CFAP299: variants seen among roughly 807,000 people sequenced by gnomAD.
The protein encoded by CFAP299 is cilia- and flagella-associated protein 299.
Under a neutral mutation model 27.0 loss-of-function variants are expected in CFAP299, and 21 were observed. That is an observed-to-expected ratio of 0.78 (90% CI 0.55 to 1.12). The LOEUF is 1.12. Ranked by LOEUF, CFAP299 falls within the 50% of genes most tolerant of loss-of-function variation. The pLI, the probability that CFAP299 is intolerant of heterozygous loss-of-function variation, is 0.00. For synonymous variants in CFAP299, 104 were observed against 98.1 expected (o/e 1.06, Z -0.36); for missense variants, 310 against 276.6 (o/e 1.12, Z -0.86).
At chr4:80,402,796 C>T (rs1372297922) in intron 2 of CFAP299, among the ~76,000 whole-genome samples, 1 of 152,142 alleles carries the variant, frequency 6.6e-6, no homozygotes, top group Non-Finnish European at 1.5e-5. Context: ...CAGATTGTAG[C>T]CTCTTGCTTA....
chr4:80,950,257 C>T (rs566612780), intron 5 of CFAP299, among the ~76,000 whole-genome samples: 2 of 151,596 alleles, frequency 1.3e-5, no homozygotes, highest in East Asian at 3.9e-4. Flanking sequence ...CCCTCCACCC[C>T]CCCCCTTTCT....
At chr4:80,499,496 T>C (rs1035460965) in intron 2 of CFAP299, among the ~76,000 whole-genome samples, 8 of 152,190 alleles carry the variant, frequency 5.3e-5, no homozygotes, top group Non-Finnish European at 7.4e-5. Context: ...TCAACATTAC[T>C]GTACATATTA....
At chr4:80,929,523 G>A (rs137919942) in intron 4 of CFAP299, among the ~76,000 whole-genome samples, 4 of 152,276 alleles carry the variant, frequency 2.6e-5, no homozygotes, top group African/African-American at 9.6e-5. Context: ...AGGGTCATCT[G>A]CAACACTGCT....
At chr4:80,615,802 G>C (rs893462142) in intron 3 of CFAP299, among the ~76,000 whole-genome samples, 3 of 152,136 alleles carry the variant, frequency 2.0e-5, no homozygotes, top group Non-Finnish European at 4.4e-5. Context: ...ACCTCTGCAA[G>C]CCCTTTCAGA....
At chr4:80,920,025 A>G (rs879673547) in intron 4 of CFAP299, among the ~76,000 whole-genome samples, 2 of 152,118 alleles carry the variant, frequency 1.3e-5, no homozygotes, top group Non-Finnish European at 2.9e-5. Flanking sequence ...AACCTCCTCT[A>G]TGCAAAGTAC....
At chr4:80,720,797 A>G (rs1722766813) in intron 3 of CFAP299, among the ~76,000 whole-genome samples, 1 of 152,194 alleles carries the variant, frequency 6.6e-6, no homozygotes, top group East Asian at 1.9e-4. Flanking sequence ...AAGTGAAACC[A>G]ACAGAAAATT....
chr4:80,630,922 A>G (rs1041228082), intron 3 of CFAP299, among the ~76,000 whole-genome samples: 1 of 152,092 alleles, frequency 6.6e-6, no homozygotes. Context: ...TTAAATGAAA[A>G]TAGACCCTCA....
chr4:80,505,712 G>T (rs938758957), intron 2 of CFAP299, among the ~76,000 whole-genome samples: 2 of 152,086 alleles, frequency 1.3e-5, no homozygotes, highest in African/African-American at 4.8e-5. Context: ...TTATGCAAAG[G>T]GTTGATGTAT....
At chr4:80,341,949 C>T (rs888457441) in intron 1 of CFAP299, among the ~76,000 whole-genome samples, 3 of 152,106 alleles carry the variant, frequency 2.0e-5, no homozygotes, top group East Asian at 3.9e-4. Flanking sequence ...GAGCTGATAG[C>T]AAGAATAGCT....
rs538096746 is a variant in CFAP299, at chr4:80,629,903, C to A, written c.333+46720C>A. ...AAAAAAACAAAAAAAACAAAAAAAA[C>A]CCAGAAAAATTTATTTAAAAATTGT... On this transcript the variant is annotated intron_variant, in intron 3 of 5. Coordinates refer to ENST00000358105, the MANE Select transcript of CFAP299 (RefSeq NM_152770.3). 5.6e-4 allele frequency among the ~76,000 whole-genome samples: 83 copies of A among 147,418 alleles called. 1 individual carries two copies. In the South Asian group the frequency reaches 6.2e-3, roughly 11 times the overall value.
chr4:80,383,430 A>G (rs904994149), intron 2 of CFAP299, among the ~76,000 whole-genome samples: 2 of 152,224 alleles, frequency 1.3e-5, no homozygotes, highest in African/African-American at 4.8e-5. Context: ...CAGGTGAAGC[A>G]TAGATATTTC....
intron 4 of CFAP299, 98 bp from the exon 5 acceptor site, chr4:80,944,712 T>C: frequency 1.2e-6 from 1 of 845,192 alleles, no homozygotes; most frequent in Non-Finnish European, 1.8e-6. Flanking sequence ...TTGTATCCAC[T>C]TATCTTATGA....
At chr4:80,610,695 G>C (rs1172589122) in intron 3 of CFAP299, among the ~76,000 whole-genome samples, 3 of 151,978 alleles carry the variant, frequency 2.0e-5, no homozygotes, top group Admixed American at 1.3e-4. Flanking sequence ...CATTATTTCT[G>C]ATACCATAAA....
At position 80,552,039 on chromosome 4, in the gene CFAP299, A is replaced by T. The variant is rs556082165; in HGVS notation, c.243-31054A>T. ...GCTGGGATTACAGGCGTGAGCCACC[A>T]TGCCCGGCCCGAAAGCTTTTAAAAG... is the stretch of plus-strand genomic sequence containing the variant. On this transcript the variant is annotated intron_variant, in intron 2 of 5. Coordinates refer to ENST00000358105, the MANE Select transcript of CFAP299 (RefSeq NM_152770.3). Among the ~76,000 whole-genome samples the T allele has an allele frequency of 2.0e-5, 3 of 152,300 alleles. No homozygotes were observed. The East Asian group carries it at 5.8e-4, about 29-fold the overall frequency.
At chr4:80,624,858 T>C (rs1442306999) in intron 3 of CFAP299, among the ~76,000 whole-genome samples, 1 of 152,048 alleles carries the variant, frequency 6.6e-6, no homozygotes, top group African/African-American at 2.4e-5. Flanking sequence ...GAACAACAAA[T>C]ACTGTCAATC....
chr4:80,837,798 G>T (rs1730648051), intron 3 of CFAP299, among the ~76,000 whole-genome samples: 1 of 152,096 alleles, frequency 6.6e-6, no homozygotes. Context: ...TAATGGGATT[G>T]CTGGGTCAAA....
chr4:80,894,361 A>T (rs1734505451), intron 4 of CFAP299, among the ~76,000 whole-genome samples: 1 of 152,020 alleles, frequency 6.6e-6, no homozygotes, highest in Non-Finnish European at 1.5e-5. Flanking sequence ...ACTTCAGTAG[A>T]CCACGTTGTC....
chr4:80,613,463 CTTTATTT>C (rs1738105338), intron 3 of CFAP299, among the ~76,000 whole-genome samples: 2 of 152,176 alleles, frequency 1.3e-5, no homozygotes, highest in South Asian at 2.1e-4. Context: ...ACAAAAATTA[CTTTATTT>C]CTTTCATTAT....
At chr4:80,759,317 G>A (rs1330633343) in intron 3 of CFAP299, among the ~76,000 whole-genome samples, 1 of 152,098 alleles carries the variant, frequency 6.6e-6, no homozygotes, top group African/African-American at 2.4e-5. Flanking sequence ...TAACTACATG[G>A]CAAAATGTAT....
Sources: gnomAD v4.1 joint callset for allele counts (sites outside exome capture counted in the v4.1 genomes callset) on GRCh38, gnomAD v4.1.1 for gene constraint, MANE v1.5 for transcripts, NCBI Gene and HGNC (gene_info 2026-07-23, HGNC 2026-07-21) for gene names.